The following PSMD6 variants were observed in gnomAD, a reference collection of about 807,000 sequenced individuals.
PSMD6 encodes proteasome 26S subunit, non-ATPase 6.
Under a neutral mutation model 44.9 loss-of-function variants are expected in PSMD6, and 7 were observed. The ratio of observed to expected loss-of-function variants is 0.16; its 90% CI spans 0.09 to 0.29. The LOEUF is 0.29. Among genes scored for constraint, PSMD6 ranks in the 10% least tolerant of loss-of-function variants. The probability of loss-of-function intolerance (pLI) is 1.00; values close to 1 mark genes in which losing one functional copy is unlikely to be tolerated. For synonymous variants in PSMD6, 184 were observed against 172.7 expected (o/e 1.07, Z -0.51); for missense variants, 420 against 482.6 (o/e 0.87, Z 1.21).
intron 5 of PSMD6, chr3:64,015,403 G>A (rs2076027152): frequency 6.6e-6 from 1 of 152,144 alleles, no homozygotes; most frequent in Admixed American, 6.5e-5. Flanking sequence ...GGCAAAACTG[G>A]AAACGACCTC....
intron 6 of PSMD6, chr3:64,012,283 G>GAA (rs912509544): frequency 6.6e-6 from 1 of 151,944 alleles, no homozygotes; most frequent in African/African-American, 2.4e-5. Context: ...GCAGACCATT[G>GAA]AAAACACCAT....
At chr3:64,020,596 T>G (rs996825264) in intron 2 of PSMD6, among the ~76,000 whole-genome samples, 42 of 152,170 alleles carry the variant, frequency 2.8e-4, no homozygotes, top group African/African-American at 9.2e-4. Context: ...ATTTTCCAAA[T>G]TTTTACAATG....
rs2106876641 is a variant in PSMD6 at position 64,022,508 on chromosome 3, T to C, written c.161A>G (p.Tyr54Cys). The change falls in exon 2 of 8, where the codon TAT becomes TGT. Residue 54 changes from tyrosine to cysteine, a missense_variant. By Grantham distance (194) the Tyr-to-Cys change is radical. Coordinates refer to ENST00000295901, the MANE Select transcript of PSMD6 (RefSeq NM_014814.3). ...AVRDNNMAPY[Y>C]EALCKSLDWQ... Reference sequence around the variant, plus strand: ...GTCGAGGGATTTGCACAAGGCTTCATAGTAAGGAGCCATGTCTAACATGCA... The same window carrying C: ...GTCGAGGGATTTGCACAAGGCTTCACAGTAAGGAGCCATGTCTAACATGCA... The C allele has an allele frequency of 3.1e-6, 5 of 1,613,920 alleles. No individual in the cohort carries two copies. The highest frequency in any genetic ancestry group is 4.2e-6 in the Non-Finnish European group (5 of 1,179,768).
At chr3:64,015,276 C>G (rs2076025147) in intron 5 of PSMD6, 1 of 152,138 alleles carries the variant, frequency 6.6e-6, no homozygotes, top group Non-Finnish European at 1.5e-5. Flanking sequence ...CAACAGTGGT[C>G]AAGACACAAT....
At chr3:64,019,557 C>T (rs1468999557) in intron 2 of PSMD6, 116 bp from the exon 3 acceptor site, 4 of 1,067,342 alleles carry the variant, frequency 3.7e-6, no homozygotes, top group South Asian at 3.3e-5. Context: ...AGAAGTACAA[C>T]AAGATGGCCA....
Position 64,010,870 on chromosome 3 carries a change from G to C in PSMD6, c.1073+8C>G, listed in dbSNP as rs200913854. ...AGGAATGCCCCTTATTCTGAGAAAT[G>C]AGAGTACCTGTTGGTTTCTACTATT... On this transcript the variant is annotated splice_region_variant and intron_variant, in intron 7 of 7. Transcript: ENST00000295901. 8.1e-6 allele frequency: 13 copies of C among 1,600,562 alleles called. No homozygotes were observed. In the African/African-American group the frequency reaches 1.6e-4, roughly 20 times the overall value.
At chr3:64,018,066 C>A (rs2076074706) in intron 5 of PSMD6, among the ~76,000 whole-genome samples, 1 of 152,162 alleles carries the variant, frequency 6.6e-6, no homozygotes, top group African/African-American at 2.4e-5. Context: ...TTTCTTAACC[C>A]ATAGCCCTTG....
rs764465162 is a variant in PSMD6 at position 64,010,962 on chromosome 3, T to C, written c.996-7A>G. 3 of 1,579,342 alleles carry C rather than the reference T, an allele frequency of 1.9e-6. No individual in the cohort carries two copies. In the African/African-American group the frequency reaches 4.1e-5, roughly 22 times the overall value. ...AATAAACCTGGACAGTTCCCTAATT[T>C]AGAGACAAAAAATAACAGAATTAGC... On this transcript the variant is annotated splice_region_variant and splice_polypyrimidine_tract_variant and intron_variant, in intron 6 of 7. Transcript: ENST00000295901.
chr3:64,021,840 T>C (rs917261419), intron 2 of PSMD6, among the ~76,000 whole-genome samples: 2 of 151,728 alleles, frequency 1.3e-5, no homozygotes, highest in African/African-American at 2.4e-5. Context: ...ACCAAAAAGT[T>C]TGCATAAATG....
At chr3:64,014,646 G>T (rs1369496916) in intron 5 of PSMD6, 1 of 152,148 alleles carries the variant, frequency 6.6e-6, no homozygotes, top group Non-Finnish European at 1.5e-5. Flanking sequence ...ACTTATGTTT[G>T]TGGTTTCAAC....
chr3:64,011,036 T>A lies in PSMD6; in HGVS notation c.996-81A>T, dbSNP rs1345164272. 3.5e-6 allele frequency: 4 copies of A among 1,152,804 alleles called. No individual in the cohort carries two copies. The African/African-American group carries it at 4.7e-5, about 13-fold the overall frequency. 71.4% of individuals were successfully genotyped at this position (1,152,804 alleles called of 1,614,324 possible). On this transcript the variant is annotated intron_variant, in intron 6 of 7. Transcript: ENST00000295901. ...TGCAAACGGCATTAAAATACTGTCTTAAATTTGTAACAAACATTTAGCTTC... is the reference window on the plus strand; with the variant it reads ...TGCAAACGGCATTAAAATACTGTCTAAAATTTGTAACAAACATTTAGCTTC...
chr3:64,022,640 A>T, intron 1 of PSMD6, 117 bp from the exon 2 acceptor site: 1 of 1,563,630 alleles, frequency 6.4e-7, no homozygotes. Context: ...CTTCCCCACT[A>T]ACAGGAAGGC....
intron 5 of PSMD6, chr3:64,016,144 G>C (rs994728040): frequency 2.0e-5 from 3 of 152,108 alleles, no homozygotes; most frequent in African/African-American, 7.2e-5. Context: ...CCAAGGTCAT[G>C]TCACTGCACT....
At chr3:64,023,808 A>G, upstream of PSMD6, 1 of 1,478,818 alleles carries the variant, frequency 6.8e-7, no homozygotes, top group South Asian at 1.2e-5. Context: ...CAATCACCAT[A>G]GTTTGTCGAG....
rs1036888008 is a variant in PSMD6 at position 64,013,792 on chromosome 3, G to A, written c.827-185C>T. On this transcript the variant is annotated intron_variant, in intron 5 of 7. Coordinates refer to ENST00000295901, the MANE Select transcript of PSMD6 (RefSeq NM_014814.3). ...CAGTGATAAAGGAGGGGCCAGGTAT[G>A]CAAACATCGTCTTCAAGTAACAGGT... is the stretch of plus-strand genomic sequence containing the variant. The A allele has an allele frequency of 1.8e-5, 8 of 451,616 alleles. No individual in the cohort carries two copies. In the Admixed American group the frequency reaches 2.5e-4, roughly 14 times the overall value. The allele number at this position is 451,616 out of a possible 1,614,324, so 28.0% of individuals were successfully genotyped here. A position where few individuals can be genotyped will look rare whatever the true frequency, so the allele number is the denominator to read the frequency against.
chr3:64,011,213 G>C, intron 6 of PSMD6: 1 of 310,274 alleles, frequency 3.2e-6, no homozygotes. Context: ...TATGTACTCA[G>C]AGAAAAACTG....
chr3:64,021,448 TAAC>T (rs2076130187), intron 2 of PSMD6, among the ~76,000 whole-genome samples: 1 of 152,242 alleles, frequency 6.6e-6, no homozygotes, highest in East Asian at 1.9e-4. Context: ...CTGCAAGTAT[TAAC>T]TTTTTTAAAA....
chr3:64,011,824 C>T (rs774663245), intron 6 of PSMD6: 1 of 152,242 alleles, frequency 6.6e-6, no homozygotes. Flanking sequence ...CGTAACCTGA[C>T]CAAGGCCACA....
intron 5 of PSMD6, chr3:64,016,016 T>A (rs1325848558): frequency 2.6e-5 from 4 of 151,870 alleles, no homozygotes; most frequent in Non-Finnish European, 5.9e-5. Context: ...TGAAACCCTG[T>A]CTCTACTAAA....
Sources: allele counts gnomAD v4.1 joint callset (sites outside exome capture counted in the v4.1 genomes callset), GRCh38; gene constraint gnomAD v4.1.1; transcripts MANE v1.5; gene names NCBI Gene and HGNC (gene_info 2026-07-23, HGNC 2026-07-21).